Variants in PLGRKT observed in about 807,000 individuals in gnomAD.
PLGRKT encodes plasminogen receptor (KT).
Under a neutral mutation model 18.5 loss-of-function variants are expected in PLGRKT, and 22 were observed. The observed-to-expected ratio is 1.19, with a 90% CI of 0.85 to 1.70. PLGRKT has a LOEUF of 1.70. PLGRKT is among the 40% of genes most tolerant of loss of function. PLGRKT has a pLI of 0.00. For missense variants in PLGRKT, 235 were observed against 174.4 expected, an observed-to-expected ratio of 1.35 and a Z score of -1.96; for synonymous variants, 72 against 52.8, an observed-to-expected ratio of 1.36 and a Z score of -1.58.
chr9:5,385,509 A>G (rs1200561787), intron 3 of PLGRKT, among the ~76,000 whole-genome samples: 2 of 151,702 alleles, frequency 1.3e-5, no homozygotes, highest in Non-Finnish European at 2.9e-5. Context: ...TGGAATAATT[A>G]AAAGATTCCC....
chr9:5,399,547 A>G (rs577463474), intron 3 of PLGRKT, among the ~76,000 whole-genome samples: 1 of 152,050 alleles, frequency 6.6e-6, no homozygotes, highest in African/African-American at 2.4e-5. Context: ...TATTAAAGGT[A>G]CATAGCACCA....
At chr9:5,361,995 ATGTTTTTTC>A in intron 3 of PLGRKT, 107 bp from the exon 4 acceptor site, 1 of 1,100,452 alleles carries the variant, frequency 9.1e-7, no homozygotes, top group Non-Finnish European at 1.3e-6. Flanking sequence ...GCTTTAATTC[ATGTTTTTTC>A]AAAAAAATCT....
At chr9:5,372,047 T>C (rs972059640) in intron 3 of PLGRKT, among the ~76,000 whole-genome samples, 7 of 134,230 alleles carry the variant, frequency 5.2e-5, no homozygotes, top group African/African-American at 2.0e-4. Flanking sequence ...AGTGGCGCGA[T>C]ATTGGCTCAC....
chr9:5,371,598 C>T (rs370794481), intron 3 of PLGRKT, among the ~76,000 whole-genome samples: 5 of 152,152 alleles, frequency 3.3e-5, no homozygotes, highest in African/African-American at 7.2e-5. Flanking sequence ...CCCAATTAAA[C>T]CTCTTTTTCT....
At chr9:5,421,245 C>A (rs574193224) in intron 3 of PLGRKT, among the ~76,000 whole-genome samples, 89 of 152,332 alleles carry the variant, frequency 5.8e-4, no homozygotes, top group Middle Eastern at 6.8e-3. Context: ...CATTCACTTT[C>A]CTTTTGCCTG....
rs575734433 is a variant in PLGRKT at position 5,408,601 on chromosome 9, T to A, written c.81+23296A>T. On this transcript the variant is annotated intron_variant, in intron 3 of 5. Coordinates refer to ENST00000223864, the MANE Select transcript of PLGRKT (RefSeq NM_018465.4). Reference sequence around the variant, plus strand: ...GTTTACAAAATTTGTAGCATAGCCATGTGGTAGAAAAGAAAAGCCCATTTC... The same window carrying A: ...GTTTACAAAATTTGTAGCATAGCCAAGTGGTAGAAAAGAAAAGCCCATTTC... Among the ~76,000 whole-genome samples, 542 of 152,300 alleles carry A rather than the reference T, an allele frequency of 3.6e-3. 2 individuals carry two copies. Among genetic ancestry groups the A allele is most frequent in the Admixed American group, 6.7e-3 (102 of 15,306 alleles).
intron 3 of PLGRKT, among the ~76,000 whole-genome samples, chr9:5,384,609 T>C (rs1273636231): frequency 6.6e-6 from 1 of 152,122 alleles, no homozygotes; most frequent in Non-Finnish European, 1.5e-5. Context: ...GACTGAATCA[T>C]CTGTGGAAGA....
intron 3 of PLGRKT, among the ~76,000 whole-genome samples, chr9:5,403,393 T>G (rs1586728912): frequency 6.6e-6 from 1 of 152,158 alleles, no homozygotes; most frequent in East Asian, 1.9e-4. Context: ...CTGGCTAATT[T>G]TCTGTATTTT....
At chr9:5,432,578 A>G (rs1440997426) in intron 2 of PLGRKT, among the ~76,000 whole-genome samples, 3 of 141,394 alleles carry the variant, frequency 2.1e-5, no homozygotes, top group Non-Finnish European at 4.6e-5. Context: ...GCTCGCTGCA[A>G]CCTCCCTGCC....
intron 3 of PLGRKT, among the ~76,000 whole-genome samples, chr9:5,395,198 A>C (rs1192047874): frequency 6.6e-6 from 1 of 151,928 alleles, no homozygotes; most frequent in African/African-American, 2.4e-5. Context: ...TTTCAAGAGA[A>C]GTATTCGACA....
intron 3 of PLGRKT, among the ~76,000 whole-genome samples, chr9:5,424,255 A>G (rs1818635186): frequency 7.3e-6 from 1 of 137,842 alleles, no homozygotes; most frequent in Non-Finnish European, 1.5e-5. Flanking sequence ...TAGTATATAT[A>G]CACTATATGT....
At chr9:5,362,012 T>A (rs920563462) in intron 3 of PLGRKT, 124 bp from the exon 4 acceptor site, 1 of 947,094 alleles carries the variant, frequency 1.1e-6, no homozygotes, top group Non-Finnish European at 1.6e-6. Flanking sequence ...TTCAAAAAAA[T>A]CTCAACAGAC....
At chr9:5,408,247 T>C (rs1025884798) in intron 3 of PLGRKT, among the ~76,000 whole-genome samples, 1 of 152,200 alleles carries the variant, frequency 6.6e-6, no homozygotes, top group African/African-American at 2.4e-5. Flanking sequence ...TCCTAGAGAC[T>C]TGCTGAATGG....
At chr9:5,382,441 G>A (rs542298883) in intron 3 of PLGRKT, among the ~76,000 whole-genome samples, 23 of 152,252 alleles carry the variant, frequency 1.5e-4, no homozygotes, top group Non-Finnish European at 2.9e-4. Context: ...AATGAGGGGC[G>A]AGAAATGGGG....
rs916991986 is a variant in PLGRKT, at chr9:5,387,498, G to A, written c.82-25610C>T. Among the ~76,000 whole-genome samples, 3 of 152,032 alleles carry A rather than the reference G, an allele frequency of 2.0e-5. No homozygotes were observed. The East Asian group carries it at 5.8e-4, about 29-fold the overall frequency. ...ATGTATTACTTCTACAAGCAACAAT[G>A]TAGATGAATTTCACAGATGTAATGT... is the stretch of plus-strand genomic sequence containing the variant. On this transcript the variant is annotated intron_variant, in intron 3 of 5. Coordinates refer to ENST00000223864, the MANE Select transcript of PLGRKT (RefSeq NM_018465.4).
intron 3 of PLGRKT, among the ~76,000 whole-genome samples, chr9:5,417,939 G>C (rs186877406): frequency 8.3e-4 from 127 of 152,302 alleles, no homozygotes; most frequent in Non-Finnish European, 1.6e-4. Flanking sequence ...TGTCTTAACT[G>C]AATTTTTACA....
At chr9:5,385,785 C>T (rs1036505699) in intron 3 of PLGRKT, among the ~76,000 whole-genome samples, 18 of 151,758 alleles carry the variant, frequency 1.2e-4, no homozygotes, top group Admixed American at 1.0e-3. Context: ...GTATGCCTTT[C>T]GAGCAAAGAC....
At chr9:5,431,629 G>T (rs541706660) in intron 3 of PLGRKT, among the ~76,000 whole-genome samples, 6 of 151,906 alleles carry the variant, frequency 3.9e-5, no homozygotes, top group Non-Finnish European at 8.8e-5. Flanking sequence ...ATTATCTTTG[G>T]GGGTGGGGGG....
At chr9:5,385,620 T>A (rs545618194) in intron 3 of PLGRKT, among the ~76,000 whole-genome samples, 1 of 151,808 alleles carries the variant, frequency 6.6e-6, no homozygotes, top group Non-Finnish European at 1.5e-5. Context: ...CCTGTGTGTT[T>A]TGGAGAAAGT....
Sources: allele counts gnomAD v4.1 joint callset (sites outside exome capture counted in the v4.1 genomes callset), GRCh38; gene constraint gnomAD v4.1.1; transcripts MANE v1.5; gene names NCBI Gene and HGNC (gene_info 2026-07-23, HGNC 2026-07-21).